Variants in RBM19 observed in about 807,000 individuals in gnomAD.
The protein encoded by RBM19 is probable RNA-binding protein 19.
A neutral mutation model predicts 116.8 loss-of-function variants in RBM19; 94 were observed. That is an observed-to-expected ratio of 0.80 (90% confidence interval 0.68 to 0.95). RBM19 has a LOEUF of 0.95. RBM19 is among the 40% of genes least tolerant of loss of function. RBM19 has a pLI of 0.00. For synonymous variants in RBM19, 475 were observed against 494.1 expected (o/e 0.96, Z 0.51); for missense variants, 1,161 against 1,220.7 (o/e 0.95, Z 0.73).
At chr12:113,916,099 T>C (rs11613047) in intron 20 of RBM19, among the ~76,000 whole-genome samples, 1 of 152,166 alleles carries the variant, frequency 6.6e-6, no homozygotes, top group Admixed American at 6.5e-5. Context: ...ATGTGGCTAG[T>C]TGAATCTAAA....
intron 23 of RBM19, among the ~76,000 whole-genome samples, chr12:113,840,968 CT>C (rs1876419112): frequency 1.3e-5 from 2 of 152,232 alleles, no homozygotes; most frequent in Admixed American, 6.5e-5. Context: ...CTGCTCCCCC[CT>C]GGGGCCTTGG....
intron 21 of RBM19, among the ~76,000 whole-genome samples, chr12:113,870,691 G>A (rs1023189596): frequency 3.3e-5 from 5 of 152,144 alleles, no homozygotes; most frequent in African/African-American, 1.2e-4. Flanking sequence ...GGGCACAGGT[G>A]GGTAGGTAGA....
intron 21 of RBM19, among the ~76,000 whole-genome samples, chr12:113,862,482 G>A (rs1481555304): frequency 1.3e-5 from 2 of 152,180 alleles, no homozygotes; most frequent in Non-Finnish European, 2.9e-5. Flanking sequence ...AGAAGAAATC[G>A]ATGAAGTACC....
At chr12:113,821,835 G>C (rs1593442287), downstream of RBM19, among the ~76,000 whole-genome samples, 1 of 152,200 alleles carries the variant, frequency 6.6e-6, no homozygotes, top group Admixed American at 6.5e-5. Context: ...GGCTAAGGGG[G>C]TGCCTGCCCT....
rs12301147 is a variant in RBM19, at chr12:113,904,561, T to C, written c.2558+10408A>G. ...GGTGCTGTGCAGACATCGGGAGGTATCGTTAATGGTGCCTTGCTCACATAG... is the reference window on the plus strand; with the variant it reads ...GGTGCTGTGCAGACATCGGGAGGTACCGTTAATGGTGCCTTGCTCACATAG... On this transcript the variant is annotated intron_variant, in intron 21 of 23. Coordinates refer to ENST00000261741, the MANE Select transcript of RBM19 (RefSeq NM_016196.4). 1.2e-3 allele frequency among the ~76,000 whole-genome samples: 190 copies of C among 152,222 alleles called. 1 individual carries two copies. The highest frequency in any genetic ancestry group is 4.4e-3 in the African/African-American group (182 of 41,528).
chr12:113,901,769 C>T (rs1374218933), intron 21 of RBM19, among the ~76,000 whole-genome samples: 1 of 152,128 alleles, frequency 6.6e-6, no homozygotes, highest in African/African-American at 2.4e-5. Flanking sequence ...CCTGCCTCAG[C>T]TTCCCAAAGT....
downstream of RBM19, among the ~76,000 whole-genome samples, chr12:113,820,467 G>C (rs116525540): frequency 6.6e-6 from 1 of 152,124 alleles, no homozygotes; most frequent in African/African-American, 2.4e-5. Flanking sequence ...CCGGGACAGC[G>C]AGTGCAGGGT....
At chr12:113,942,460 T>C (rs771904704) in intron 13 of RBM19, 26 bp from the exon 14 acceptor site, 3 of 1,575,662 alleles carry the variant, frequency 1.9e-6, no homozygotes, top group South Asian at 1.1e-5. Context: ...GGAAGAGTTC[T>C]GGTTGGCTGT....
intron 21 of RBM19, among the ~76,000 whole-genome samples, chr12:113,870,194 A>G (rs4767153): frequency 0.4 from 60,869 of 151,996 alleles, 12,920 homozygotes; most frequent in East Asian, 0.79. Flanking sequence ...GGCAAGCAGG[A>G]AGACACACTG....
intron 22 of RBM19, among the ~76,000 whole-genome samples, chr12:113,855,018 A>T (rs536511299): frequency 6.6e-6 from 1 of 152,308 alleles, no homozygotes; most frequent in South Asian, 2.1e-4. Flanking sequence ...TCTGGCTAGG[A>T]TTCTCTTTCC....
intron 23 of RBM19, among the ~76,000 whole-genome samples, chr12:113,831,708 G>C (rs1196191703): frequency 6.6e-6 from 1 of 152,232 alleles, no homozygotes; most frequent in Non-Finnish European, 1.5e-5. Flanking sequence ...TAGCTGGATT[G>C]GGAGCAAGTA....
chr12:113,908,549 T>G (rs1882219982), intron 21 of RBM19, among the ~76,000 whole-genome samples: 1 of 121,512 alleles, frequency 8.2e-6, no homozygotes, highest in Non-Finnish European at 1.6e-5. Flanking sequence ...TAGCAGGTGG[T>G]TCACACCTCA....
rs1871829537 is a variant in RBM19, at chr12:113,955,280, C to G, written c.841-69G>C. On this transcript the variant is annotated intron_variant, in intron 6 of 23. Transcript: ENST00000261741. ...TCGTACAGCTGCAGGAGGTGGCACA[C>G]TGGGACATTTCAGTGCCAGAGAAGG... 3 of 1,466,616 alleles carry G rather than the reference C, an allele frequency of 2.0e-6. No homozygotes were observed. The South Asian group carries it at 3.4e-5, about 17-fold the overall frequency. 90.9% of individuals were successfully genotyped at this position (1,466,616 alleles called of 1,614,324 possible). A position where few individuals can be genotyped will look rare whatever the true frequency, so the allele number is the denominator to read the frequency against.
intron 23 of RBM19, among the ~76,000 whole-genome samples, chr12:113,827,280 A>G (rs1874952074): frequency 6.6e-6 from 1 of 152,152 alleles, no homozygotes; most frequent in Non-Finnish European, 1.5e-5. Context: ...AATACCCGAG[A>G]AATTAACTTG....
At chr12:113,838,983 G>A (rs1211803194) in intron 23 of RBM19, among the ~76,000 whole-genome samples, 2 of 152,216 alleles carry the variant, frequency 1.3e-5, no homozygotes, top group Non-Finnish European at 2.9e-5. Flanking sequence ...TTCCTGCCAG[G>A]CCCTGCCGAA....
intron 7 of RBM19, 52 bp downstream of exon 7, chr12:113,955,079 C>T (rs1319287763): frequency 6.3e-7 from 1 of 1,581,478 alleles, no homozygotes; most frequent in African/African-American, 1.3e-5. Context: ...CCTCCCCACC[C>T]TCGTCTCCTG....
chr12:113,854,848 C>T (rs1877762425), intron 22 of RBM19, among the ~76,000 whole-genome samples: 1 of 152,192 alleles, frequency 6.6e-6, no homozygotes. Context: ...AGACTGGATG[C>T]AAATCTCCCA....
chr12:113,860,934 T>C (rs936331317), intron 21 of RBM19, among the ~76,000 whole-genome samples: 1 of 152,238 alleles, frequency 6.6e-6, no homozygotes, highest in South Asian at 2.1e-4. Flanking sequence ...CCCTGGAAGG[T>C]AGACATTACC....
At chr12:113,853,466 C>T (rs188671175) in intron 22 of RBM19, among the ~76,000 whole-genome samples, 37 of 152,312 alleles carry the variant, frequency 2.4e-4, no homozygotes, top group African/African-American at 7.2e-4. Flanking sequence ...TACAAAGGCA[C>T]GGCAGGCCTG....
Sources: gnomAD v4.1 joint callset for allele counts (sites outside exome capture counted in the v4.1 genomes callset) on GRCh38, gnomAD v4.1.1 for gene constraint, MANE v1.5 for transcripts, NCBI Gene and HGNC (gene_info 2026-07-23, HGNC 2026-07-21) for gene names.